The following RRP12 variants were observed in gnomAD, a reference collection of about 807,000 sequenced individuals.
RRP12 encodes RRP12-like protein.
In RRP12, 78 loss-of-function variants were observed where a neutral mutation model predicts 157.3. The ratio of observed to expected loss-of-function variants is 0.50; its 90% CI spans 0.41 to 0.60. The LOEUF (loss-of-function observed/expected upper bound fraction) is 0.60, where lower values mean the gene tolerates loss of function less well. Among genes scored for constraint, RRP12 ranks in the 20% least tolerant of loss-of-function variants. The probability of loss-of-function intolerance (pLI) is 0.00; values close to 1 mark genes in which losing one functional copy is unlikely to be tolerated. For synonymous variants in RRP12, 726 were observed against 670.9 expected, an observed-to-expected ratio of 1.08 and a Z score of -1.27; for missense variants, 1,521 against 1,679.9, an observed-to-expected ratio of 0.91 and a Z score of 1.65.
At chr10:97,367,420 C>T in intron 25 of RRP12, 1 of 474,600 alleles carries the variant, frequency 2.1e-6, no homozygotes, top group Non-Finnish European at 3.8e-6. Flanking sequence ...TCCTTGAATC[C>T]TTGGACTACC....
intron 15 of RRP12, among the ~76,000 whole-genome samples, chr10:97,376,107 C>T (rs557988075): frequency 0.11 from 8,189 of 72,768 alleles, 281 homozygotes; most frequent in African/African-American, 0.15. Flanking sequence ...TGTCTCAAAA[C>T]AAACAAACAA....
At chr10:97,374,905 A>G (rs1844263484) in intron 15 of RRP12, among the ~76,000 whole-genome samples, 1 of 152,148 alleles carries the variant, frequency 6.6e-6, no homozygotes, top group Non-Finnish European at 1.5e-5. Flanking sequence ...AGCACTTCAC[A>G]TGACTTTTTC....
rs750784106 is a variant in RRP12 at position 97,366,311 on chromosome 10, GCTCAGGGAT to G, written c.3392-87_3392-79del. Reference sequence around the variant, plus strand: ...ACCCTCATCATGACCAACAAGCCCGGCTCAGGGATCCCAAACGGGCGCCTCTCAGCCCTG... The same window carrying G: ...ACCCTCATCATGACCAACAAGCCCGGCCCAAACGGGCGCCTCTCAGCCCTG... On this transcript the variant is annotated intron_variant, in intron 28 of 33. Coordinates refer to ENST00000370992, the MANE Select transcript of RRP12 (RefSeq NM_015179.4). The G allele has an allele frequency of 2.7e-4, 421 of 1,580,588 alleles. No homozygotes were observed. The Middle Eastern group carries it at 6.9e-3, about 26-fold the overall frequency.
At chr10:97,398,315 A>G (rs1845042249) in intron 2 of RRP12, among the ~76,000 whole-genome samples, 1 of 100,308 alleles carries the variant, frequency 1.0e-5, no homozygotes, top group African/African-American at 4.8e-5. Context: ...CGGCCTCCCA[A>G]AGTGCTGGGA....
intron 30 of RRP12, among the ~76,000 whole-genome samples, chr10:97,361,554 C>T (rs1843841857): frequency 6.6e-6 from 1 of 152,218 alleles, no homozygotes; most frequent in South Asian, 2.1e-4. Flanking sequence ...TCGGCCTGGG[C>T]AGAGCGAACA....
At position 97,357,155 on chromosome 10, in the gene RRP12, T is replaced by C; in HGVS notation, c.3833A>G (p.Lys1278Arg). ...KLQGQFKGLV[K>R]AARRGSQVGH... ...CACCTGGGAACCTCGCCGGGCAGCCTTCACCAGGCCTTTGAACTGTCCCTG... is the reference window on the plus strand; with the variant it reads ...CACCTGGGAACCTCGCCGGGCAGCCCTCACCAGGCCTTTGAACTGTCCCTG... The change falls in exon 34 of 34, where the codon AAG (lysine) becomes AGG (arginine). Residue 1278 changes from lysine to arginine, a missense_variant. Lys to Arg is a conservative substitution (Grantham distance 26). Transcript: ENST00000370992. 2 of 1,613,302 alleles carry C rather than the reference T, an allele frequency of 1.2e-6. No homozygotes were observed. Among genetic ancestry groups the C allele is most frequent in the Non-Finnish European group, 1.7e-6 (2 of 1,179,504 alleles).
At chr10:97,378,271 G>C (rs1188195576) in intron 15 of RRP12, among the ~76,000 whole-genome samples, 11 of 152,162 alleles carry the variant, frequency 7.2e-5, no homozygotes, top group Non-Finnish European at 1.5e-4. Flanking sequence ...ATCGGTAGGT[G>C]ATTTTATTGT....
At chr10:97,376,166 G>C (rs1844299858) in intron 15 of RRP12, among the ~76,000 whole-genome samples, 1 of 149,912 alleles carries the variant, frequency 6.7e-6, no homozygotes, top group African/African-American at 2.5e-5. Context: ...TTAAAAACTT[G>C]AGTAGTAACA....
intron 10 of RRP12, among the ~76,000 whole-genome samples, chr10:97,384,377 C>T (rs1454064034): frequency 6.8e-6 from 1 of 147,942 alleles, no homozygotes; most frequent in Non-Finnish European, 1.5e-5. Context: ...CCCACCTTGG[C>T]AGCCTGGACA....
chr10:97,370,288 C>G lies in RRP12; in HGVS notation c.2690-14G>C, dbSNP rs1347414580. 1 of 1,570,308 alleles carries G rather than the reference C, an allele frequency of 6.4e-7. No homozygotes were observed. On this transcript the variant is annotated splice_polypyrimidine_tract_variant and intron_variant, in intron 23 of 33. Coordinates refer to ENST00000370992, the MANE Select transcript of RRP12 (RefSeq NM_015179.4). Reference sequence around the variant, plus strand: ...ACTGCAGGGCCTCTGGGGACAGAGACCAACGTGGGTCAAGCAGGAAGGACC... The same window carrying G: ...ACTGCAGGGCCTCTGGGGACAGAGAGCAACGTGGGTCAAGCAGGAAGGACC...
chr10:97,372,982 C>G lies in RRP12; in HGVS notation c.2181+64G>C, dbSNP rs567008696. On this transcript the variant is annotated intron_variant, in intron 18 of 33. Coordinates refer to ENST00000370992, the MANE Select transcript of RRP12 (RefSeq NM_015179.4). ...TGAGCCCTGGTGGGTAGGGTCTCGG[C>G]CTCTCTGACCCTGCCCACCTGAGAG... 34 of 1,522,712 alleles carry G rather than the reference C, an allele frequency of 2.2e-5. No homozygotes were observed. In the African/African-American group the frequency reaches 4.4e-4, roughly 20 times the overall value. The allele number at this position is 1,522,712 out of a possible 1,614,324, so 94.3% of individuals were successfully genotyped here.
chr10:97,392,208 C>G (rs1276108007), intron 4 of RRP12, among the ~76,000 whole-genome samples: 3 of 151,976 alleles, frequency 2.0e-5, no homozygotes, highest in Non-Finnish European at 4.4e-5. Flanking sequence ...CTGGGCTCAA[C>G]AGTCCACCTG....
At chr10:97,384,405 C>A (rs1348783203) in intron 10 of RRP12, among the ~76,000 whole-genome samples, 1 of 148,544 alleles carries the variant, frequency 6.7e-6, no homozygotes, top group East Asian at 2.0e-4. Flanking sequence ...CTAAAGACCC[C>A]CCAACCTTGG....
chr10:97,358,626 G>A lies in RRP12; in HGVS notation c.3709-7C>T, dbSNP rs780432972. ...TCACATCACCTTTTGCTTTCTGCTT[G>A]CCCAGAGAAACAGAGTCAGCTAGGA... On this transcript the variant is annotated splice_region_variant and splice_polypyrimidine_tract_variant and intron_variant, in intron 32 of 33. Transcript: ENST00000370992. The A allele has an allele frequency of 2.5e-6, 4 of 1,609,926 alleles. No individual in the cohort carries two copies. The highest frequency in any genetic ancestry group is 1.1e-5 in the South Asian group (1 of 90,998).
chr10:97,364,910 T>C (rs1186277322), intron 29 of RRP12, among the ~76,000 whole-genome samples: 1 of 151,904 alleles, frequency 6.6e-6, no homozygotes, highest in Non-Finnish European at 1.5e-5. Flanking sequence ...CAGGAATGCC[T>C]GGGCACCAAG....
In RRP12 at chr10:97,379,784, G is replaced by A; in HGVS notation, c.1534-14C>T. 6.3e-7 allele frequency: 1 copy of A among 1,594,618 alleles called. No individual in the cohort carries two copies. Among genetic ancestry groups the A allele is most frequent in the Non-Finnish European group, 8.5e-7 (1 of 1,170,540 alleles). ...GGACTGGAGGCACTGCAGCAGAGAT[G>A]AGTGACCACACATCAAGACATGCTC... On this transcript the variant is annotated splice_polypyrimidine_tract_variant and intron_variant, in intron 13 of 33. Transcript: ENST00000370992.
In RRP12 at chr10:97,369,623, C is replaced by G. The variant is rs370541200; in HGVS notation, c.2798-41G>C. 15 of 1,535,306 alleles carry G rather than the reference C, an allele frequency of 9.8e-6. No individual in the cohort carries two copies. In the East Asian group the frequency reaches 9.8e-5, roughly 10 times the overall value. On this transcript the variant is annotated intron_variant, in intron 24 of 33. Transcript: ENST00000370992. ...GGTCACTGTCTAAGACACCCAGGAC[C>G]CCACTCAGACCCAAACCTTCCCCAC...
intron 4 of RRP12, 41 bp from the exon 5 acceptor site, chr10:97,390,885 GA>G: frequency 7.5e-7 from 1 of 1,336,062 alleles, no homozygotes; most frequent in Non-Finnish European, 1.1e-6. Context: ...GAGGGTCCCT[GA>G]AGAGCAGCTG....
At chr10:97,397,757 C>T (rs1047526649) in intron 2 of RRP12, among the ~76,000 whole-genome samples, 1 of 150,858 alleles carries the variant, frequency 6.6e-6, no homozygotes, top group Non-Finnish European at 1.5e-5. Context: ...CCCAGGAGTT[C>T]AAGACCAATC....
Sources: gnomAD v4.1 joint callset for allele counts (sites outside exome capture counted in the v4.1 genomes callset) on GRCh38, gnomAD v4.1.1 for gene constraint, MANE v1.5 for transcripts, NCBI Gene and HGNC (gene_info 2026-07-23, HGNC 2026-07-21) for gene names.